The following THSD7A variants were observed in gnomAD, a reference collection of about 807,000 sequenced individuals.
THSD7A encodes thrombospondin type 1 domain containing 7A.
A neutral mutation model predicts 231.3 loss-of-function variants in THSD7A; 96 were observed. The ratio of observed to expected loss-of-function variants is 0.41; its 90% CI spans 0.35 to 0.49. The LOEUF (loss-of-function observed/expected upper bound fraction) is 0.49. Among genes scored for constraint, THSD7A ranks in the 20% least tolerant of loss-of-function variants. The pLI is 0.05. For missense variants in THSD7A, 2,290 were observed against 2,070.2 expected, an observed-to-expected ratio of 1.11 and a Z score of -2.06; for synonymous variants, 940 against 743.3, an observed-to-expected ratio of 1.26 and a Z score of -4.30.
intron 1 of THSD7A, among the ~76,000 whole-genome samples, chr7:11,765,453 A>G (rs112485323): frequency 8.5e-4 from 129 of 152,354 alleles, no homozygotes; most frequent in African/African-American, 3.0e-3. Flanking sequence ...ATGAAGAATA[A>G]CAAATTGTAC....
rs374577315 is a variant in THSD7A, at chr7:11,660,929, G to A, written c.191-23968C>T. 2.2e-4 allele frequency among the ~76,000 whole-genome samples: 34 copies of A among 151,510 alleles called. 1 individual carries two copies. The East Asian group carries it at 5.1e-3, about 23-fold the overall frequency. On this transcript the variant is annotated intron_variant, in intron 1 of 27. Coordinates refer to ENST00000423059, the MANE Select transcript of THSD7A (RefSeq NM_015204.3). ...AGACATATTAATGCAGCAAGGACTCGAAGAGCCAAGATCTCGGACAAAAAT... is the reference window on the plus strand; with the variant it reads ...AGACATATTAATGCAGCAAGGACTCAAAGAGCCAAGATCTCGGACAAAAAT...
chr7:11,543,006 C>G lies in THSD7A; in HGVS notation c.1565G>C (p.Gly522Ala). Reference sequence around the variant, plus strand: ...ATTACAGTTTTCATAAGTACAAGGTCCCCAAGCTGACCAAGGTGAAACTTC... The same window carrying G: ...ATTACAGTTTTCATAAGTACAAGGTGCCCAAGCTGACCAAGGTGAAACTTC... ...ECEVSPWSAW[G>A]PCTYENCNDQ... The change falls in exon 5 of 28, where the codon GGA (glycine) becomes GCA (alanine). Residue 522 changes from glycine (G) to alanine (A), a missense_variant. Physicochemically the swap from Gly to Ala is moderately conservative, Grantham distance 60 (BLOSUM62 0). Transcript: ENST00000423059. 1 of 1,613,818 alleles carries G rather than the reference C, an allele frequency of 6.2e-7. No homozygotes were observed. The highest frequency in any genetic ancestry group is 8.5e-7 in the Non-Finnish European group (1 of 1,179,822).
At chr7:11,631,724 G>T (rs1463862570) in intron 2 of THSD7A, among the ~76,000 whole-genome samples, 1 of 152,122 alleles carries the variant, frequency 6.6e-6, no homozygotes, top group Non-Finnish European at 1.5e-5. Context: ...CCTGTTTGGG[G>T]ATTTGGCTAT....
At chr7:11,523,052 G>T (rs893967665) in intron 6 of THSD7A, among the ~76,000 whole-genome samples, 1 of 152,010 alleles carries the variant, frequency 6.6e-6, no homozygotes, top group South Asian at 2.1e-4. Flanking sequence ...AGAAAATGGC[G>T]TTGTATTAGT....
rs929335079 is a variant in THSD7A at position 11,814,024 on chromosome 7, G to A, written c.190+17733C>T. Among the ~76,000 whole-genome samples, 5 of 152,046 alleles carry A rather than the reference G, an allele frequency of 3.3e-5. No individual in the cohort carries two copies. Among genetic ancestry groups the A allele is most frequent in the South Asian group, 2.1e-4 (1 of 4,826 alleles). On this transcript the variant is annotated intron_variant, in intron 1 of 27. Transcript: ENST00000423059. This position sits in a 1 kb window ranked among gnomAD's most constrained non-coding sequence, Gnocchi z 5.1. ...TGGATGGACTTTGAAAACATGATGC[G>A]AAATAAAAGGTGCTAGTCACAAAAG...
chr7:11,699,545 A>C (rs949608230), intron 1 of THSD7A, among the ~76,000 whole-genome samples: 2 of 151,316 alleles, frequency 1.3e-5, no homozygotes, highest in Non-Finnish European at 3.0e-5. Context: ...ATATAACATA[A>C]ATCATAAGTA....
chr7:11,401,343 A>G lies in THSD7A; in HGVS notation c.4411+452T>C, dbSNP rs944665663. 5.5e-4 allele frequency among the ~76,000 whole-genome samples: 83 copies of G among 152,278 alleles called. 1 individual carries two copies. The highest frequency in any genetic ancestry group is 1.9e-3 in the African/African-American group (81 of 41,556). Reference sequence around the variant, plus strand: ...GGTGGCAGGATGTTCCATCTTTCCAATCTTTAGAATTCAGAATCTTCCCCT... The same window carrying G: ...GGTGGCAGGATGTTCCATCTTTCCAGTCTTTAGAATTCAGAATCTTCCCCT... On this transcript the variant is annotated intron_variant, in intron 23 of 27. Coordinates refer to ENST00000423059, the MANE Select transcript of THSD7A (RefSeq NM_015204.3).
intron 23 of THSD7A, among the ~76,000 whole-genome samples, chr7:11,390,574 G>A (rs1782940520): frequency 6.6e-6 from 1 of 152,084 alleles, no homozygotes; most frequent in Non-Finnish European, 1.5e-5. Flanking sequence ...AGAGGAGTTC[G>A]TTATTACCCA....
At chr7:11,396,910 G>A (rs1460615209) in intron 23 of THSD7A, among the ~76,000 whole-genome samples, 2 of 152,160 alleles carry the variant, frequency 1.3e-5, no homozygotes, top group Non-Finnish European at 2.9e-5. Context: ...GAATCCAGCA[G>A]CACATCAAAA....
At chr7:11,479,848 C>G (rs929073979) in intron 7 of THSD7A, among the ~76,000 whole-genome samples, 1 of 143,260 alleles carries the variant, frequency 7.0e-6, no homozygotes, top group Non-Finnish European at 1.5e-5. Context: ...ATAGCATTGA[C>G]AGAGTTTCTT....
chr7:11,767,481 A>C (rs896808042), intron 1 of THSD7A, among the ~76,000 whole-genome samples: 2 of 152,168 alleles, frequency 1.3e-5, no homozygotes, highest in African/African-American at 4.8e-5. Flanking sequence ...TCTTTACTTA[A>C]ATACACATTA....
At chr7:11,804,718 C>G (rs1293719208) in intron 1 of THSD7A, among the ~76,000 whole-genome samples, 1 of 152,136 alleles carries the variant, frequency 6.6e-6, no homozygotes, top group Admixed American at 6.5e-5. Context: ...GTAAACCAGG[C>G]TTATGCCACC....
chr7:11,534,630 C>G (rs926834815), intron 6 of THSD7A, among the ~76,000 whole-genome samples: 1 of 151,992 alleles, frequency 6.6e-6, no homozygotes, highest in Non-Finnish European at 1.5e-5. Flanking sequence ...GGTTTGTTAC[C>G]TAGCAATAGT....
chr7:11,739,198 T>G (rs1423851799), intron 1 of THSD7A, among the ~76,000 whole-genome samples: 2 of 151,982 alleles, frequency 1.3e-5, no homozygotes, highest in African/African-American at 4.8e-5. Flanking sequence ...AGAACATACT[T>G]TAAGAAGCAA....
chr7:11,669,055 C>T lies in THSD7A; in HGVS notation c.191-32094G>A, dbSNP rs79400917. Among the ~76,000 whole-genome samples, 953 of 152,246 alleles carry T rather than the reference C, an allele frequency of 6.3e-3. 6 individuals carry two copies. Among genetic ancestry groups the T allele is most frequent in the Middle Eastern group, 0.01 (3 of 294 alleles). On this transcript the variant is annotated intron_variant, in intron 1 of 27. Coordinates refer to ENST00000423059, the MANE Select transcript of THSD7A (RefSeq NM_015204.3). ...GTTTCTCAGTTCAAACTATTTATTACTTAGTATTTCTATTTCCCTAACCCA... is the reference window on the plus strand; with the variant it reads ...GTTTCTCAGTTCAAACTATTTATTATTTAGTATTTCTATTTCCCTAACCCA...
chr7:11,819,013 T>C (rs1352733572), intron 1 of THSD7A, among the ~76,000 whole-genome samples: 2 of 152,146 alleles, frequency 1.3e-5, no homozygotes, highest in Admixed American at 6.5e-5. Flanking sequence ...CTTGCTACTA[T>C]TACTCCTACA....
intron 1 of THSD7A, among the ~76,000 whole-genome samples, chr7:11,712,295 G>A (rs558198868): frequency 3.3e-5 from 5 of 151,018 alleles, no homozygotes; most frequent in South Asian, 2.1e-4. Context: ...TTCCACAGTC[G>A]AGTACTATAG....
At chr7:11,508,878 A>T (rs1402895568) in intron 6 of THSD7A, among the ~76,000 whole-genome samples, 1 of 152,208 alleles carries the variant, frequency 6.6e-6, no homozygotes, top group Admixed American at 6.5e-5. Context: ...CTTATATGAG[A>T]TATATAAAAT....
chr7:11,815,673 T>C (rs142592131), intron 1 of THSD7A, among the ~76,000 whole-genome samples: 106 of 152,304 alleles, frequency 7.0e-4, no homozygotes, highest in African/African-American at 2.4e-3. Context: ...AGATGAACAA[T>C]CATATAAAAC....
Sources: gnomAD v4.1 joint callset for allele counts (sites outside exome capture counted in the v4.1 genomes callset) on GRCh38, gnomAD v4.1.1 for gene constraint, Gnocchi (gnomAD v3.1) non-coding constraint, MANE v1.5 for transcripts, NCBI Gene and HGNC (gene_info 2026-07-23, HGNC 2026-07-21) for gene names.